Variants in MAPRE2 observed in about 807,000 individuals in gnomAD.
MAPRE2 encodes microtubule associated protein RP/EB family member 2, also known as microtubule-associated protein RP/EB family member 2.
In MAPRE2, 13 loss-of-function variants were observed where a neutral mutation model predicts 43.2. The observed-to-expected ratio is 0.30, with a 90% CI of 0.20 to 0.48. MAPRE2 has a LOEUF of 0.48. MAPRE2 is among the 20% of genes least tolerant of loss of function. The probability of loss-of-function intolerance (pLI) is 0.99; values close to 1 mark genes in which losing one functional copy is unlikely to be tolerated. For missense variants in MAPRE2, 161 were observed against 400.2 expected (o/e 0.40, Z 5.10); for synonymous variants, 135 against 148.8 (o/e 0.91, Z 0.68).
At position 34,978,228 on chromosome 18, in the gene MAPRE2, A is replaced by T. The variant is rs182099812; in HGVS notation, c.-70+1149A>T. ...CATCTCCTTTTCCAAAAAAAGAAGA[A>T]CAAAAGGAAAATAGTGTAGACCCGC... On this transcript the variant is annotated intron_variant, in intron 1 of 7. Coordinates refer to the MAPRE2 transcript ENST00000413393. The T allele has an allele frequency of 1.1e-4, 53 of 496,366 alleles. 1 individual carries two copies. The highest frequency in any genetic ancestry group is 1.3e-4 in the South Asian group (5 of 38,502). The allele number at this position is 496,366 out of a possible 1,614,324, so 30.7% of individuals were successfully genotyped here.
At chr18:35,012,155 C>CA (rs2097035149) in intron 2 of MAPRE2, among the ~76,000 whole-genome samples, 1 of 152,006 alleles carries the variant, frequency 6.6e-6, no homozygotes, top group Non-Finnish European at 1.5e-5. Context: ...ACATTGTAAA[C>CA]GTGAGGACAA....
intron 1 of MAPRE2, among the ~76,000 whole-genome samples, chr18:34,998,656 T>C (rs1655633859): frequency 6.6e-6 from 1 of 151,534 alleles, no homozygotes; most frequent in South Asian, 2.1e-4. Flanking sequence ...AGAGACGGGG[T>C]TTCTCCATAT....
intron 4 of MAPRE2, among the ~76,000 whole-genome samples, chr18:35,120,455 T>G (rs1909622121): frequency 6.6e-6 from 1 of 152,218 alleles, no homozygotes; most frequent in Non-Finnish European, 1.5e-5. Context: ...TAAAGTTTCA[T>G]TTGGATGGAA....
intron 2 of MAPRE2, among the ~76,000 whole-genome samples, chr18:35,025,733 C>T (rs1217525483): frequency 1.3e-5 from 2 of 152,186 alleles, no homozygotes; most frequent in Non-Finnish European, 2.9e-5. Flanking sequence ...AGCAGTTCCA[C>T]TGAACATAGT....
At chr18:35,043,959 G>T (rs1183736641) in intron 1 of MAPRE2, among the ~76,000 whole-genome samples, 1 of 152,164 alleles carries the variant, frequency 6.6e-6, no homozygotes, top group Non-Finnish European at 1.5e-5. Flanking sequence ...CCCAAGACTG[G>T]AATATTATAG....
intron 1 of MAPRE2, among the ~76,000 whole-genome samples, chr18:34,979,518 T>C (rs996542145): frequency 6.6e-6 from 1 of 151,866 alleles, no homozygotes. Flanking sequence ...TGCTCTCTTC[T>C]GTTAGAAGGG....
intron 1 of MAPRE2, among the ~76,000 whole-genome samples, chr18:35,064,806 G>A (rs953721572): frequency 1.3e-5 from 2 of 152,062 alleles, no homozygotes; most frequent in Non-Finnish European, 2.9e-5. Context: ...CAACACCACC[G>A]CCAAATACTG....
At position 35,121,878 on chromosome 18, in the gene MAPRE2, G is replaced by C. The variant is rs571906031; in HGVS notation, c.611-5070G>C. Among the ~76,000 whole-genome samples, 3 of 152,258 alleles carry C rather than the reference G, an allele frequency of 2.0e-5. No individual in the cohort carries two copies. In the East Asian group the frequency reaches 5.8e-4, roughly 29 times the overall value. On this transcript the variant is annotated intron_variant, in intron 4 of 6. Transcript: ENST00000300249. ...GAGCAGTTTACGAGATTGGAATACA[G>C]ATGGTAGCTCACATAAAAGTATTCT...
intron 6 of MAPRE2, among the ~76,000 whole-genome samples, chr18:35,138,183 C>T (rs1457466310): frequency 1.3e-5 from 2 of 152,124 alleles, no homozygotes; most frequent in African/African-American, 4.8e-5. Flanking sequence ...CTGTGATGCC[C>T]AGGGGTCTGG....
At chr18:35,107,685 T>A (rs1908969219) in intron 4 of MAPRE2, among the ~76,000 whole-genome samples, 1 of 152,124 alleles carries the variant, frequency 6.6e-6, no homozygotes, top group African/African-American at 2.4e-5. Flanking sequence ...TCTGCAGTAG[T>A]TGGTTGTATA....
chr18:35,031,773 G>T (rs2057821951), intron 2 of MAPRE2, among the ~76,000 whole-genome samples: 1 of 152,188 alleles, frequency 6.6e-6, no homozygotes, highest in South Asian at 2.1e-4. Flanking sequence ...TAAATAATCT[G>T]CAAAGACAAG....
At chr18:35,092,872 G>A (rs497999) in intron 2 of MAPRE2, among the ~76,000 whole-genome samples, 116,707 of 152,058 alleles carry the variant, frequency 0.77, 45,767 homozygotes, top group African/African-American at 0.94. Flanking sequence ...AGGAAATACA[G>A]TGGGAACCAC....
At chr18:35,105,657 C>G (rs764435335) in intron 4 of MAPRE2, among the ~76,000 whole-genome samples, 1 of 151,992 alleles carries the variant, frequency 6.6e-6, no homozygotes, top group African/African-American at 2.4e-5. Context: ...TTTGCTCTTT[C>G]TTAATTTAGA....
At chr18:35,084,137 G>A (rs2144134628) in intron 2 of MAPRE2, among the ~76,000 whole-genome samples, 1 of 152,236 alleles carries the variant, frequency 6.6e-6, no homozygotes, top group East Asian at 1.9e-4. Context: ...AGTCCGGTGT[G>A]GTGGCACACA....
chr18:35,127,192 G>T (rs1909946963), intron 5 of MAPRE2, 105 bp downstream of exon 5: 1 of 1,173,582 alleles, frequency 8.5e-7, no homozygotes, highest in East Asian at 2.4e-5. Flanking sequence ...GGGTAAGGAA[G>T]AATCCTTGGT....
chr18:35,095,817 G>A (rs1908391197), intron 2 of MAPRE2, among the ~76,000 whole-genome samples: 1 of 152,030 alleles, frequency 6.6e-6, no homozygotes. Context: ...TCCAGATCAT[G>A]ATGTTTCTCT....
chr18:34,992,936 A>G (rs1261968832), intron 1 of MAPRE2, among the ~76,000 whole-genome samples: 1 of 152,208 alleles, frequency 6.6e-6, no homozygotes, highest in Non-Finnish European at 1.5e-5. Flanking sequence ...ACAAATAAAG[A>G]GTCCATATAT....
chr18:35,133,631 G>A (rs886718549), intron 6 of MAPRE2, among the ~76,000 whole-genome samples: 1 of 152,202 alleles, frequency 6.6e-6, no homozygotes, highest in African/African-American at 2.4e-5. Flanking sequence ...CCGGCGTGCA[G>A]GATCAAATCT....
At chr18:35,087,955 G>A (rs1011707236) in intron 2 of MAPRE2, among the ~76,000 whole-genome samples, 11 of 152,144 alleles carry the variant, frequency 7.2e-5, no homozygotes, top group African/African-American at 2.4e-4. Flanking sequence ...GAGACAATAG[G>A]GGAGAGAACA....
Sources: gnomAD v4.1 joint callset for allele counts (sites outside exome capture counted in the v4.1 genomes callset) on GRCh38, gnomAD v4.1.1 for gene constraint, MANE v1.5 for transcripts, NCBI Gene and HGNC (gene_info 2026-07-23, HGNC 2026-07-21) for gene names.